The following PPFIA2 variants were observed in gnomAD, a reference collection of about 807,000 sequenced individuals.
PPFIA2 encodes the protein PPFI scaffold protein A2, also known as liprin-alpha-2.
Under a neutral mutation model 175.5 loss-of-function variants are expected in PPFIA2, and 46 were observed. That is an observed-to-expected ratio of 0.26 (90% confidence interval 0.21 to 0.34). The LOEUF is 0.34. Ranked by LOEUF, PPFIA2 falls within the 10% of genes least tolerant of loss-of-function variation. The pLI is 1.00. For missense variants in PPFIA2, 1,179 were observed against 1,506.1 expected, an observed-to-expected ratio of 0.78 and a Z score of 3.60; for synonymous variants, 568 against 511.4, an observed-to-expected ratio of 1.11 and a Z score of -1.49.
intron 4 of PPFIA2, among the ~76,000 whole-genome samples, chr12:81,526,359 A>C (rs780998419): frequency 5.3e-5 from 8 of 152,188 alleles, no homozygotes; most frequent in Non-Finnish European, 1.0e-4. Context: ...GGGGATGGAA[A>C]TAATATCATG....
intron 18 of PPFIA2, among the ~76,000 whole-genome samples, chr12:81,345,472 G>T (rs2058898329): frequency 6.6e-6 from 1 of 151,564 alleles, no homozygotes; most frequent in Non-Finnish European, 1.5e-5. Context: ...GAAAGCACTG[G>T]CATCTTTCTC....
intron 3 of PPFIA2, among the ~76,000 whole-genome samples, chr12:81,690,465 G>A (rs2075099441): frequency 6.6e-6 from 1 of 151,986 alleles, no homozygotes; most frequent in Non-Finnish European, 1.5e-5. Flanking sequence ...AGGCACCAAA[G>A]TCTATTCCTG....
chr12:81,598,012 G>A (rs1289450290), intron 4 of PPFIA2: 2 of 1,535,114 alleles, frequency 1.3e-6, no homozygotes, highest in African/African-American at 1.4e-5. Flanking sequence ...CAGAAACGGT[G>A]TTCATATCCG....
chr12:81,590,801 T>G (rs749412444), intron 4 of PPFIA2, among the ~76,000 whole-genome samples: 49 of 152,202 alleles, frequency 3.2e-4, no homozygotes, highest in Non-Finnish European at 5.3e-4. Flanking sequence ...TCCTCAGCCA[T>G]GTGGAGCTGT....
At chr12:81,645,627 G>C (rs2065955403) in intron 4 of PPFIA2, among the ~76,000 whole-genome samples, 1 of 152,216 alleles carries the variant, frequency 6.6e-6, no homozygotes, top group African/African-American at 2.4e-5. Flanking sequence ...ACGTCCCTCT[G>C]AGATGAACAA....
chr12:81,314,379 A>C (rs1259238095), intron 22 of PPFIA2, among the ~76,000 whole-genome samples: 1 of 151,910 alleles, frequency 6.6e-6, no homozygotes, highest in Non-Finnish European at 1.5e-5. Flanking sequence ...GGCTATGTTA[A>C]TAGTAAGAAA....
intron 21 of PPFIA2, among the ~76,000 whole-genome samples, chr12:81,333,184 A>G (rs2056469159): frequency 6.6e-6 from 1 of 152,172 alleles, no homozygotes; most frequent in Admixed American, 6.5e-5. Context: ...CTCATAAGCC[A>G]GCCCATTTTG....
chr12:81,289,587 T>C (rs1264394996), intron 24 of PPFIA2, among the ~76,000 whole-genome samples: 1 of 151,816 alleles, frequency 6.6e-6, no homozygotes, highest in Non-Finnish European at 1.5e-5. Context: ...GAAGGCATTG[T>C]AAATGTCCAG....
At chr12:81,519,865 A>C (rs919109639) in intron 4 of PPFIA2, among the ~76,000 whole-genome samples, 2 of 152,222 alleles carry the variant, frequency 1.3e-5, no homozygotes, top group African/African-American at 4.8e-5. Context: ...GTAGTACCAA[A>C]TTTTATATAT....
chr12:81,502,162 T>A lies in PPFIA2; in HGVS notation c.304-44296A>T, dbSNP rs144701546. On this transcript the variant is annotated intron_variant, in intron 4 of 32. Coordinates refer to ENST00000549396, the MANE Select transcript of PPFIA2 (RefSeq NM_003625.5). ...GCCACCACAAGCATTTCACCACTGA[T>A]AATTTTAATACTGACTCTCAGAGAA... Among the ~76,000 whole-genome samples the A allele has an allele frequency of 1.7e-3, 252 of 152,258 alleles. 2 individuals carry two copies. Among genetic ancestry groups the A allele is most frequent in the African/African-American group, 5.9e-3 (246 of 41,548 alleles).
intron 27 of PPFIA2, among the ~76,000 whole-genome samples, chr12:81,279,871 C>G (rs927639398): frequency 6.6e-6 from 1 of 152,120 alleles, no homozygotes; most frequent in South Asian, 2.1e-4. Flanking sequence ...GAGAGTGGTA[C>G]AAAGTTGTTT....
chr12:81,544,204 C>T (rs1311749628), intron 4 of PPFIA2, among the ~76,000 whole-genome samples: 3 of 152,070 alleles, frequency 2.0e-5, no homozygotes, highest in Non-Finnish European at 4.4e-5. Flanking sequence ...TTCTGTAACC[C>T]TAAAAGTATT....
chr12:81,735,396 C>T (rs1408424500), intron 3 of PPFIA2, among the ~76,000 whole-genome samples: 2 of 151,904 alleles, frequency 1.3e-5, no homozygotes, highest in South Asian at 4.1e-4. Context: ...TTTACCATCA[C>T]TGATGAAATG....
intron 3 of PPFIA2, among the ~76,000 whole-genome samples, chr12:81,705,521 A>C (rs1229794568): frequency 1.3e-5 from 2 of 152,018 alleles, no homozygotes; most frequent in Non-Finnish European, 2.9e-5. Context: ...CAGAGTGTCC[A>C]TAGTCCAGTT....
intron 4 of PPFIA2, among the ~76,000 whole-genome samples, chr12:81,666,362 A>G (rs12813224): frequency 6.6e-5 from 10 of 152,220 alleles, no homozygotes; most frequent in South Asian, 2.1e-4. Context: ...GAACCAACCC[A>G]AATATCCAAC....
intron 3 of PPFIA2, among the ~76,000 whole-genome samples, chr12:81,745,928 A>C (rs2082993053): frequency 6.6e-6 from 1 of 152,140 alleles, no homozygotes; most frequent in East Asian, 1.9e-4. Context: ...GGAGTGGTAG[A>C]CTATGTACAA....
chr12:81,426,140 A>C (rs1301819732), intron 7 of PPFIA2, among the ~76,000 whole-genome samples: 1 of 152,208 alleles, frequency 6.6e-6, no homozygotes. Context: ...TGATGAATCA[A>C]ACAGGTAATT....
At chr12:81,667,947 G>A (rs770944188) in intron 4 of PPFIA2, among the ~76,000 whole-genome samples, 141 of 152,048 alleles carry the variant, frequency 9.3e-4, no homozygotes, top group East Asian at 7.8e-4. Context: ...ATGAAAGTGG[G>A]TTACAGGAAA....
intron 4 of PPFIA2, among the ~76,000 whole-genome samples, chr12:81,495,630 C>G (rs1593987583): frequency 6.6e-6 from 1 of 151,830 alleles, no homozygotes; most frequent in African/African-American, 2.4e-5. Context: ...CATAGTGAAA[C>G]CCCATCTCTA....
Sources: allele counts gnomAD v4.1 joint callset (sites outside exome capture counted in the v4.1 genomes callset), GRCh38; gene constraint gnomAD v4.1.1; transcripts MANE v1.5; gene names NCBI Gene and HGNC (gene_info 2026-07-23, HGNC 2026-07-21).